Variants in CD101 observed in about 807,000 individuals in gnomAD.
The protein encoded by CD101 is CD101 molecule.
Under a neutral mutation model 98.2 loss-of-function variants are expected in CD101, and 76 were observed. The observed-to-expected ratio is 0.77, with a 90% CI of 0.64 to 0.94. The LOEUF (loss-of-function observed/expected upper bound fraction) is 0.94. Ranked by LOEUF, CD101 falls within the 40% of genes least tolerant of loss-of-function variation. CD101 has a pLI of 0.00. For synonymous variants in CD101, 471 were observed against 472.7 expected (o/e 1.00, Z 0.05); for missense variants, 1,145 against 1,218.8 (o/e 0.94, Z 0.90).
In CD101 at chr1:117,010,375, T is replaced by C. The variant is rs1368742235; in HGVS notation, c.424+145T>C. ...TGTACCCCTGTGGATATTTTGGAGA[T>C]ATGTCACAAGTGGGTATCTCATATT... On this transcript the variant is annotated intron_variant, in intron 2 of 9. Transcript: ENST00000682167. The surrounding 1 kb of genome is among the most constrained non-coding windows in gnomAD (Gnocchi z 5.2). 7.5e-6 allele frequency: 6 copies of C among 795,942 alleles called. No homozygotes were observed. The highest frequency in any genetic ancestry group is 1.2e-5 in the Non-Finnish European group (6 of 512,964). The allele number at this position is 795,942 out of a possible 1,614,324, so 49.3% of individuals were successfully genotyped here.
chr1:117,028,107 A>AAATAAATAAAT (rs148309572), intron 8 of CD101, among the ~76,000 whole-genome samples: 3,829 of 148,010 alleles, frequency 0.026, 86 homozygotes, highest in African/African-American at 0.038. Context: ...ATAAATAAAT[A>AAATAAATAAAT]AAATAAAATA....
At chr1:117,013,112 T>C (rs930964556) in intron 3 of CD101, among the ~76,000 whole-genome samples, 5 of 152,166 alleles carry the variant, frequency 3.3e-5, no homozygotes, top group Non-Finnish European at 7.3e-5. Context: ...TATTTTTTAA[T>C]TTAAAAAGCA....
At chr1:117,009,168 A>G (rs1382538294) in intron 1 of CD101, among the ~76,000 whole-genome samples, 1 of 152,252 alleles carries the variant, frequency 6.6e-6, no homozygotes, top group East Asian at 1.9e-4. Flanking sequence ...AAAAAAGCTA[A>G]AATAAATTCT....
At position 117,023,708 on chromosome 1, in the gene CD101, C is replaced by T. The variant is rs1053243072; in HGVS notation, c.2428+1725C>T. On this transcript the variant is annotated intron_variant, in intron 7 of 9. Transcript: ENST00000682167. This position sits in a 1 kb window ranked among gnomAD's most constrained non-coding sequence, Gnocchi z 4.4. ...CTGGGATTACAGGCGTGAGCCACTGCGCCCAGCCCAGTTCTCTTAAAATAC... is the reference window on the plus strand; with the variant it reads ...CTGGGATTACAGGCGTGAGCCACTGTGCCCAGCCCAGTTCTCTTAAAATAC... Among the ~76,000 whole-genome samples, 3 of 151,948 alleles carry T rather than the reference C, an allele frequency of 2.0e-5. No individual in the cohort carries two copies. Among genetic ancestry groups the T allele is most frequent in the African/African-American group, 2.4e-5 (1 of 41,376 alleles).
chr1:117,007,219 T>C (rs937513394), intron 1 of CD101, among the ~76,000 whole-genome samples: 31 of 152,126 alleles, frequency 2.0e-4, no homozygotes, highest in Admixed American at 6.6e-4. Flanking sequence ...GTAAAATCTG[T>C]ATAATGTCTA....
chr1:117,010,246 A>T lies in CD101; in HGVS notation c.424+16A>T, dbSNP rs757320654. Reference sequence around the variant, plus strand: ...AATCTAATTGGTAAGTTGCTTGTCCACTTCTGCTAGCCAGCCCCTGAGAAG... The same window carrying T: ...AATCTAATTGGTAAGTTGCTTGTCCTCTTCTGCTAGCCAGCCCCTGAGAAG... On this transcript the variant is annotated intron_variant, in intron 2 of 9. Coordinates refer to ENST00000682167, the MANE Select transcript of CD101 (RefSeq NM_001256106.3). This position sits in a 1 kb window ranked among gnomAD's most constrained non-coding sequence, Gnocchi z 5.2. 30 of 1,592,266 alleles carry T rather than the reference A, an allele frequency of 1.9e-5. No individual in the cohort carries two copies. Among genetic ancestry groups the T allele is most frequent in the Non-Finnish European group, 2.0e-5 (23 of 1,166,154 alleles).
chr1:117,011,749 C>T lies in CD101; in HGVS notation c.624C>T (p.Val208=), dbSNP rs1414417459. 1 of 1,614,104 alleles carries T rather than the reference C, an allele frequency of 6.2e-7. No individual in the cohort carries two copies. Residue 208 remains valine, a synonymous_variant, in exon 3 of 10, where the codon GTC becomes GTT. Transcript: ENST00000682167. Reference sequence around the variant, plus strand: ...CTCTCTCCAAAGATTTTATATTGGTCCCTGGGCCCTTGTATACAGAGCGGT... The same window carrying T: ...CTCTCTCCAAAGATTTTATATTGGTTCCTGGGCCCTTGTATACAGAGCGGT... The part of the protein sequence containing the change: ...IISLSKDFIL[V]PGPLYTERFA...
chr1:117,021,373 G>A lies in CD101; in HGVS notation c.2018-200G>A, dbSNP rs1010418221. ...TCAGAAAGCATTCTGGAGGGGCAGA[G>A]CTGTCCAGAGATGAAATGGGCTGCC... On this transcript the variant is annotated intron_variant, in intron 6 of 9. Coordinates refer to ENST00000682167, the MANE Select transcript of CD101 (RefSeq NM_001256106.3). The surrounding 1 kb of genome is among the most constrained non-coding windows in gnomAD (Gnocchi z 4.7). Among the ~76,000 whole-genome samples the A allele has an allele frequency of 2.0e-5, 3 of 152,212 alleles. No homozygotes were observed. Among genetic ancestry groups the A allele is most frequent in the African/African-American group, 7.2e-5 (3 of 41,452 alleles).
chr1:117,027,735 G>C (rs1418262910), intron 8 of CD101, among the ~76,000 whole-genome samples: 2 of 152,170 alleles, frequency 1.3e-5, no homozygotes, highest in African/African-American at 4.8e-5. Context: ...CATTGAAAAA[G>C]TTTAAGCAGG....
intron 9 of CD101, among the ~76,000 whole-genome samples, chr1:117,035,592 C>T (rs898047432): frequency 8.6e-5 from 13 of 151,202 alleles, no homozygotes; most frequent in South Asian, 4.2e-4. Context: ...CTCTGTCGCC[C>T]GGGCTGGAGT....
chr1:117,029,617 C>T (rs2101160084), intron 8 of CD101, among the ~76,000 whole-genome samples: 1 of 152,382 alleles, frequency 6.6e-6, no homozygotes, highest in Admixed American at 6.5e-5. Flanking sequence ...AGCACAGTGC[C>T]TGGCACATAG....
chr1:117,029,459 T>C (rs1654303662), intron 8 of CD101, among the ~76,000 whole-genome samples: 1 of 152,204 alleles, frequency 6.6e-6, no homozygotes, highest in Non-Finnish European at 1.5e-5. Flanking sequence ...GTCAACACTC[T>C]CATCCTTCAT....
intron 4 of CD101, among the ~76,000 whole-genome samples, chr1:117,016,856 T>C (rs745802221): frequency 6.6e-6 from 1 of 152,194 alleles, no homozygotes; most frequent in Non-Finnish European, 1.5e-5. Context: ...ACCCAGTCTT[T>C]AGAAATAAAT....
chr1:117,007,248 A>G (rs529141340), intron 1 of CD101, among the ~76,000 whole-genome samples: 1 of 152,286 alleles, frequency 6.6e-6, no homozygotes, highest in African/African-American at 2.4e-5. Context: ...AAGAAATAGA[A>G]TATCGCCAAG....
At chr1:117,017,064 G>T (rs375424406) in intron 4 of CD101, 26 bp from the exon 5 acceptor site, 19 of 1,589,658 alleles carry the variant, frequency 1.2e-5, no homozygotes, top group Non-Finnish European at 1.5e-5. Context: ...AAACAGTTTT[G>T]TTCTTCTATA....
chr1:117,017,510 A>G (rs1653312117), intron 5 of CD101, 37 bp downstream of exon 5: 1 of 1,566,596 alleles, frequency 6.4e-7, no homozygotes, highest in South Asian at 1.2e-5. Flanking sequence ...GCACCTGTAT[A>G]TCACTCAATT....
chr1:117,024,697 T>C (rs895374941), intron 7 of CD101, among the ~76,000 whole-genome samples: 2 of 152,196 alleles, frequency 1.3e-5, no homozygotes, highest in African/African-American at 4.8e-5. Flanking sequence ...ATAGCTCCCA[T>C]GGATGGCCTT....
Position 117,022,106 on chromosome 1 carries a change from T to G in CD101, c.2428+123T>G. On this transcript the variant is annotated intron_variant, in intron 7 of 9. Transcript: ENST00000682167. This position sits in a 1 kb window ranked among gnomAD's most constrained non-coding sequence, Gnocchi z 4.8. The stretch of plus-strand genomic sequence containing the variant: ...ATGACCTAAAGTCATAGGAACAGTA[T>G]CTACCTACACATGACTGCAAGACCG... The G allele has an allele frequency of 9.1e-7, 1 of 1,094,364 alleles. No homozygotes were observed. Among genetic ancestry groups the G allele is most frequent in the East Asian group, 2.4e-5 (1 of 41,230 alleles). The allele number at this position is 1,094,364 out of a possible 1,614,324, so 67.8% of individuals were successfully genotyped here.
At chr1:117,009,732 G>A in intron 1 of CD101, 118 bp from the exon 2 acceptor site, 1 of 1,056,598 alleles carries the variant, frequency 9.5e-7, no homozygotes, top group Non-Finnish European at 1.4e-6. Flanking sequence ...GTCAATTATA[G>A]CTAATAACTT....
Sources: gnomAD v4.1 joint callset for allele counts (sites outside exome capture counted in the v4.1 genomes callset) on GRCh38, gnomAD v4.1.1 for gene constraint, Gnocchi (gnomAD v3.1) non-coding constraint, MANE v1.5 for transcripts, NCBI Gene and HGNC (gene_info 2026-07-23, HGNC 2026-07-21) for gene names.